The following SIM2 variants were observed in gnomAD, a reference collection of about 807,000 sequenced individuals.
The protein encoded by SIM2 is single-minded homolog 2.
In SIM2, 28 loss-of-function variants were observed where a neutral mutation model predicts 64.8. The observed-to-expected ratio is 0.43, with a 90% CI of 0.32 to 0.59. SIM2 has a LOEUF of 0.59. Among genes scored for constraint, SIM2 ranks in the 20% least tolerant of loss-of-function variants. SIM2 has a pLI of 0.07. For missense variants in SIM2, 847 were observed against 871.4 expected (o/e 0.97, Z 0.35); for synonymous variants, 408 against 391.1 (o/e 1.04, Z -0.51).
chr21:36,743,844 G>T (rs984475157), intron 9 of SIM2, among the ~76,000 whole-genome samples: 1 of 152,214 alleles, frequency 6.6e-6, no homozygotes, highest in African/African-American at 2.4e-5. Flanking sequence ...TGGAATCCAC[G>T]GGTTAGATTC....
At chr21:36,714,682 G>T (rs2088721043) in intron 3 of SIM2, among the ~76,000 whole-genome samples, 1 of 152,158 alleles carries the variant, frequency 6.6e-6, no homozygotes, top group Non-Finnish European at 1.5e-5. Context: ...CCCATCAGGA[G>T]GTACTGTGCA....
At chr21:36,711,024 A>T (rs573734889) in intron 2 of SIM2, among the ~76,000 whole-genome samples, 2 of 152,306 alleles carry the variant, frequency 1.3e-5, no homozygotes, top group Admixed American at 1.3e-4. Context: ...ACATTTCTTT[A>T]ATTAATTCCG....
chr21:36,709,499 C>T (rs1006809064), intron 2 of SIM2: 28 of 656,022 alleles, frequency 4.3e-5, no homozygotes, highest in Non-Finnish European at 7.9e-5. Context: ...CTCCCCAGGC[C>T]ACCTGAGACC....
At chr21:36,714,515 G>A (rs138587962) in intron 3 of SIM2, among the ~76,000 whole-genome samples, 157 of 152,314 alleles carry the variant, frequency 1.0e-3, no homozygotes, top group African/African-American at 3.6e-3. Flanking sequence ...GGATCGTGGT[G>A]AGAAAGGGAT....
At chr21:36,729,403 G>A (rs1485679086) in intron 6 of SIM2, among the ~76,000 whole-genome samples, 3 of 152,056 alleles carry the variant, frequency 2.0e-5, no homozygotes, top group East Asian at 3.9e-4. Context: ...ACCACTGCAA[G>A]CCCTGTCTCC....
intron 3 of SIM2, among the ~76,000 whole-genome samples, chr21:36,715,778 T>G (rs1473419314): frequency 6.6e-6 from 1 of 152,220 alleles, no homozygotes; most frequent in Non-Finnish European, 1.5e-5. Context: ...TCCAAATTCT[T>G]TATTTGAGGG....
intron 2 of SIM2, chr21:36,709,560 C>G (rs1242819515): frequency 1.9e-6 from 1 of 520,006 alleles, no homozygotes; most frequent in East Asian, 4.2e-5. Context: ...AATCTCACTT[C>G]CCTCAGCAGG....
At position 36,733,712 on chromosome 21, in the gene SIM2, A is replaced by C. The variant is rs189897428; in HGVS notation, c.850+2561A>C. 2.8e-3 allele frequency among the ~76,000 whole-genome samples: 430 copies of C among 152,100 alleles called. 2 individuals are homozygous for C. Among genetic ancestry groups the C allele is most frequent in the African/African-American group, 0.01 (419 of 41,406 alleles). The stretch of plus-strand genomic sequence containing the variant: ...GTAGCTGGGACTACAGGCGCCCGCC[A>C]GCAAGCCTGGCTAATTTTTTTTGTA... On this transcript the variant is annotated intron_variant, in intron 7 of 10. Transcript: ENST00000290399.
chr21:36,703,665 C>T (rs888151028), intron 1 of SIM2, among the ~76,000 whole-genome samples: 1 of 152,154 alleles, frequency 6.6e-6, no homozygotes, highest in Non-Finnish European at 1.5e-5. Flanking sequence ...GACATGGGCT[C>T]GAAATTGATA....
rs375361689 is a variant in SIM2, at chr21:36,744,773, G to C, written c.1213G>C (p.Gly405Arg). 2 of 1,612,402 alleles carry C rather than the reference G, an allele frequency of 1.2e-6. No individual in the cohort carries two copies. Among genetic ancestry groups the C allele is most frequent in the African/African-American group, 2.7e-5 (2 of 74,900 alleles). ...GGACAAACTGGAATGCGGCCAGCTC[G>C]GAAACTGGAGAGCCAGTCCCCCTGC... The part of the protein sequence containing the change: ...QMDKLECGQL[G>R]NWRASPPASA... The change falls in exon 10 of 11, where the codon GGA (glycine) becomes CGA (arginine). Residue 405 changes from glycine (G) to arginine (R), a missense_variant. Around this residue, in one of 3 missense-constraint regions of SIM2, gnomAD observed 447 missense variants for 414.6 expected, o/e 1.08. Coordinates refer to ENST00000290399, the MANE Select transcript of SIM2 (RefSeq NM_005069.6).
chr21:36,740,309 T>C (rs2089144980), intron 7 of SIM2, among the ~76,000 whole-genome samples: 1 of 152,190 alleles, frequency 6.6e-6, no homozygotes, highest in Non-Finnish European at 1.5e-5. Context: ...ATGTGCCTAT[T>C]CTGGAAGTTT....
chr21:36,748,661 A>C lies in SIM2; in HGVS notation c.*569A>C, dbSNP rs1403271116. On this transcript the variant is annotated 3_prime_UTR_variant, in exon 11 of 11. Transcript: ENST00000290399. ...TTTGTTTTTATTTAACCCTTTCTTC[A>C]ATACAAAAAGCCAACAAACCAAGAC... 1 of 152,436 alleles carries C rather than the reference A, an allele frequency of 6.6e-6. No individual in the cohort carries two copies. The highest frequency in any genetic ancestry group is 2.4e-5 in the African/African-American group (1 of 41,420). The allele number at this position is 152,436 out of a possible 1,614,324, so 9.4% of individuals were successfully genotyped here.
chr21:36,747,886 C>G lies in SIM2; in HGVS notation c.1798C>G (p.Leu600Val). The G allele has an allele frequency of 9.3e-7, 1 of 1,073,488 alleles. No individual in the cohort carries two copies. The highest frequency in any genetic ancestry group is 1.7e-5 in the African/African-American group (1 of 58,240). 66.5% of individuals were successfully genotyped at this position (1,073,488 alleles called of 1,614,324 possible). A position where few individuals can be genotyped will look rare whatever the true frequency, so the allele number is the denominator to read the frequency against. Residue 600 changes from leucine (L) to valine (V), a missense_variant, in exon 11 of 11, where the codon CTC (leucine) becomes GTC (valine). Leu to Val is a conservative substitution (Grantham distance 32). Transcript: ENST00000290399. The surrounding 1 kb of genome is among the most constrained non-coding windows in gnomAD (Gnocchi z 4.5). ...GAPAQLPFVL[L>V]NYHRVLARRG... ...GCCGGCGCAGCTGCCCTTCGTGCTG[C>G]TCAACTACCACCGCGTGCTGGCCCG... is the stretch of plus-strand genomic sequence containing the variant.
intron 3 of SIM2, among the ~76,000 whole-genome samples, chr21:36,718,418 G>A (rs1732126173): frequency 6.6e-6 from 1 of 152,152 alleles, no homozygotes; most frequent in Admixed American, 6.6e-5. Flanking sequence ...CTCCTCTGAT[G>A]GAGAGCCACA....
chr21:36,724,119 C>A (rs144597494), intron 5 of SIM2, among the ~76,000 whole-genome samples: 2 of 152,348 alleles, frequency 1.3e-5, no homozygotes, highest in African/African-American at 4.8e-5. Context: ...AAGGCCCCGC[C>A]CCAGCTCCCC....
At chr21:36,742,174 C>T (rs898761929) in intron 8 of SIM2, among the ~76,000 whole-genome samples, 1 of 151,864 alleles carries the variant, frequency 6.6e-6, no homozygotes, top group African/African-American at 2.4e-5. Context: ...GATGGTGATG[C>T]CCCCCATCCT....
intron 7 of SIM2, among the ~76,000 whole-genome samples, chr21:36,740,031 GA>G (rs888109171): frequency 1.5e-5 from 2 of 135,622 alleles, no homozygotes; most frequent in African/African-American, 2.6e-5. Context: ...AAGAAAGAAA[GA>G]AAGAAAGAAA....
chr21:36,699,238 G>C lies in SIM2; in HGVS notation c.-509G>C, dbSNP rs573638868. On this transcript the variant is annotated 5_prime_UTR_variant, in exon 1 of 11. Transcript: ENST00000290399. The surrounding 1 kb of genome is among the most constrained non-coding windows in gnomAD (Gnocchi z 5.6). Reference sequence around the variant, plus strand: ...CCAGGAAGGGCAGGAGAGCGCGCCCGGGCCAGGGCCCGGCCCCAGCCGCCT... The same window carrying C: ...CCAGGAAGGGCAGGAGAGCGCGCCCCGGCCAGGGCCCGGCCCCAGCCGCCT... 1 of 151,596 alleles carries C rather than the reference G, an allele frequency of 6.6e-6. No homozygotes were observed. The highest frequency in any genetic ancestry group is 6.6e-5 in the Admixed American group (1 of 15,264). 9.4% of individuals were successfully genotyped at this position (151,596 alleles called of 1,614,324 possible).
At chr21:36,730,919 G>A in intron 6 of SIM2, 126 bp from the exon 7 acceptor site, 1 of 673,990 alleles carries the variant, frequency 1.5e-6, no homozygotes, top group Non-Finnish European at 2.6e-6. Flanking sequence ...ATCATTCTCA[G>A]TTTCCAAAAT....
Sources: gnomAD v4.1 joint callset for allele counts (sites outside exome capture counted in the v4.1 genomes callset) on GRCh38, gnomAD v4.1.1 for gene constraint, gnomAD v4.1.1 regional missense constraint, Gnocchi (gnomAD v3.1) non-coding constraint, MANE v1.5 for transcripts, NCBI Gene and HGNC (gene_info 2026-07-23, HGNC 2026-07-21) for gene names.